MALRD1: variants seen among roughly 807,000 people sequenced by gnomAD.
MALRD1 encodes MAM and LDL receptor class A domain containing 1, also known as MAM and LDL-receptor class A domain-containing protein 1.
A neutral mutation model predicts 242.1 loss-of-function variants in MALRD1; 247 were observed. The observed-to-expected ratio is 1.02, with a 90% confidence interval of 0.92 to 1.13. The LOEUF is 1.13. Ranked by LOEUF, MALRD1 falls within the 50% of genes most tolerant of loss-of-function variation. The pLI is 0.00. For missense variants in MALRD1, 2,989 were observed against 2,533.1 expected, an observed-to-expected ratio of 1.18 and a Z score of -3.86; for synonymous variants, 995 against 866.6, an observed-to-expected ratio of 1.15 and a Z score of -2.60.
intron 18 of MALRD1, among the ~76,000 whole-genome samples, chr10:19,239,104 G>C (rs1293358457): frequency 4.0e-5 from 6 of 150,708 alleles, no homozygotes; most frequent in African/African-American, 4.9e-5. Flanking sequence ...TGTTGCCCAA[G>C]CTGGAGTGCA....
rs138101375 is a variant in MALRD1 at position 19,378,691 on chromosome 10, G to A, written c.4442-8837G>A. Among the ~76,000 whole-genome samples the A allele has an allele frequency of 4.0e-3, 611 of 152,104 alleles. 6 individuals carry two copies. The highest frequency in any genetic ancestry group is 0.014 in the African/African-American group (582 of 41,508). ...ACTCTGACATGAACATGATCATGAC[G>A]TACTGTCTTATGTGCAGAACTTTAT... On this transcript the variant is annotated intron_variant, in intron 26 of 39. Transcript: ENST00000454679.
chr10:19,515,961 C>T (rs540943639), intron 31 of MALRD1, among the ~76,000 whole-genome samples: 1 of 152,156 alleles, frequency 6.6e-6, no homozygotes, highest in Admixed American at 6.6e-5. Context: ...CTATTTAATT[C>T]ACTTGTTTTT....
chr10:19,248,403 A>T (rs542206038), intron 18 of MALRD1, among the ~76,000 whole-genome samples: 1 of 151,010 alleles, frequency 6.6e-6, no homozygotes, highest in African/African-American at 2.4e-5. Flanking sequence ...AAAAAAAAAA[A>T]TAAAGTGTGA....
intron 5 of MALRD1, among the ~76,000 whole-genome samples, chr10:19,111,754 G>A (rs1836687526): frequency 6.6e-6 from 1 of 152,188 alleles, no homozygotes; most frequent in Non-Finnish European, 1.5e-5. Context: ...TTCAGATGAG[G>A]TCACCTGGTA....
chr10:19,592,058 A>G (rs1248849986), intron 33 of MALRD1, among the ~76,000 whole-genome samples: 1 of 152,226 alleles, frequency 6.6e-6, no homozygotes, highest in African/African-American at 2.4e-5. Context: ...TTCACCCTAC[A>G]TCAGAAATAT....
At chr10:19,529,549 G>C (rs560195564) in intron 31 of MALRD1, among the ~76,000 whole-genome samples, 11 of 147,240 alleles carry the variant, frequency 7.5e-5, no homozygotes, top group East Asian at 4.1e-4. Flanking sequence ...AAACAGGAGG[G>C]GGGGGGAGAA....
intron 38 of MALRD1, among the ~76,000 whole-genome samples, chr10:19,709,489 G>A (rs1834012560): frequency 1.3e-5 from 2 of 151,968 alleles, no homozygotes; most frequent in East Asian, 3.9e-4. Context: ...TCTTTGTGTT[G>A]CCCAAAGTTA....
intron 36 of MALRD1, among the ~76,000 whole-genome samples, chr10:19,657,379 G>A (rs1841204483): frequency 6.6e-6 from 1 of 152,086 alleles, no homozygotes; most frequent in Admixed American, 6.6e-5. Context: ...AGAGCTCAGA[G>A]TGGCTTTCCA....
intron 11 of MALRD1, among the ~76,000 whole-genome samples, chr10:19,151,892 C>A (rs767744347): frequency 6.6e-6 from 1 of 152,002 alleles, no homozygotes. Context: ...TTATTCATTT[C>A]TTTATTCTAT....
chr10:19,195,437 G>A (rs554646000), intron 14 of MALRD1, among the ~76,000 whole-genome samples: 2 of 152,132 alleles, frequency 1.3e-5, no homozygotes, highest in East Asian at 1.9e-4. Context: ...TTTAAATGCC[G>A]TTGATATGAT....
At chr10:19,459,641 T>G (rs942586983) in intron 29 of MALRD1, among the ~76,000 whole-genome samples, 3 of 152,042 alleles carry the variant, frequency 2.0e-5, no homozygotes, top group Non-Finnish European at 4.4e-5. Context: ...TGAATCTAAT[T>G]ACTTTAACAT....
chr10:19,065,311 G>GAAAAAAAAAAAAAAAA (rs1590378950), intron 1 of MALRD1, among the ~76,000 whole-genome samples: 1 of 103,270 alleles, frequency 9.7e-6, no homozygotes, highest in African/African-American at 3.8e-5. Context: ...AAAAAAAAAG[G>GAAAAAAAAAAAAAAAA]AAGAAAGAAA....
At chr10:19,614,888 G>T (rs114186699) in intron 35 of MALRD1, among the ~76,000 whole-genome samples, 1,538 of 152,118 alleles carry the variant, frequency 0.01, 14 homozygotes, top group African/African-American at 0.034. Context: ...GCCATGACAT[G>T]AGGACTGTTG....
intron 31 of MALRD1, among the ~76,000 whole-genome samples, chr10:19,520,077 A>G (rs1243770481): frequency 6.6e-6 from 1 of 152,114 alleles, no homozygotes; most frequent in Admixed American, 6.6e-5. Context: ...TTTTCATTTA[A>G]TCCTCACAAC....
At chr10:19,650,718 C>T (rs188822926) in intron 36 of MALRD1, among the ~76,000 whole-genome samples, 315 of 152,264 alleles carry the variant, frequency 2.1e-3, no homozygotes, top group African/African-American at 7.1e-3. Flanking sequence ...AGATTGCAGC[C>T]TGAACTAATG....
intron 5 of MALRD1, among the ~76,000 whole-genome samples, chr10:19,114,405 G>A (rs1836797326): frequency 6.6e-6 from 1 of 152,164 alleles, no homozygotes; most frequent in African/African-American, 2.4e-5. Context: ...AGGAGGCTGA[G>A]GTGGGCAGAT....
chr10:19,275,831 TTAAGG>T (rs368284644), intron 19 of MALRD1, among the ~76,000 whole-genome samples: 22 of 152,306 alleles, frequency 1.4e-4, no homozygotes, highest in African/African-American at 5.1e-4. Flanking sequence ...TTTCTGTGTA[TTAAGG>T]TAAGATGATT....
At chr10:19,177,278 C>CAAAA (rs34742551) in intron 14 of MALRD1, among the ~76,000 whole-genome samples, 2 of 114,074 alleles carry the variant, frequency 1.8e-5, no homozygotes, top group Admixed American at 8.8e-5. Flanking sequence ...AGATTCCTCT[C>CAAAA]AAAAAAAAAA....
At chr10:19,279,150 T>C (rs1840684035) in intron 19 of MALRD1, among the ~76,000 whole-genome samples, 2 of 152,182 alleles carry the variant, frequency 1.3e-5, no homozygotes, top group Non-Finnish European at 2.9e-5. Context: ...CTAGCTCTTT[T>C]TGTAATGAGT....
Sources: allele counts gnomAD v4.1 joint callset (sites outside exome capture counted in the v4.1 genomes callset), GRCh38; gene constraint gnomAD v4.1.1; transcripts MANE v1.5; gene names NCBI Gene and HGNC (gene_info 2026-07-23, HGNC 2026-07-21).